The following IQCK variants were observed in gnomAD, a reference collection of about 807,000 sequenced individuals.
The protein encoded by IQCK is IQ motif containing K.
In IQCK, 29 loss-of-function variants were observed where a neutral mutation model predicts 28.1. The ratio of observed to expected loss-of-function variants is 1.03; its 90% confidence interval spans 0.77 to 1.41. IQCK has a LOEUF of 1.41. Ranked by LOEUF, IQCK falls within the 40% of genes most tolerant of loss-of-function variation. The pLI, the probability that IQCK is intolerant of heterozygous loss-of-function variation, is 0.00. For synonymous variants in IQCK, 113 were observed against 115.1 expected, an observed-to-expected ratio of 0.98 and a Z score of 0.12; for missense variants, 359 against 314.7, an observed-to-expected ratio of 1.14 and a Z score of -1.07.
At chr16:19,723,680 G>A (rs140811961) in intron 1 of IQCK, among the ~76,000 whole-genome samples, 2 of 152,228 alleles carry the variant, frequency 1.3e-5, no homozygotes, top group Admixed American at 6.5e-5. Context: ...CTGGCCGGGC[G>A]TGGTAGCTCA....
At chr16:19,761,507 C>G (rs2055142801) in intron 4 of IQCK, 1 of 438,332 alleles carries the variant, frequency 2.3e-6, no homozygotes, top group Admixed American at 2.5e-5. Flanking sequence ...TGGGAAGGAT[C>G]TCTCCACATG....
chr16:19,769,496 C>T (rs1298593527), intron 6 of IQCK, among the ~76,000 whole-genome samples: 1 of 152,160 alleles, frequency 6.6e-6, no homozygotes, highest in East Asian at 1.9e-4. Context: ...GACATTGTGA[C>T]ATTCCAGGCC....
At chr16:19,760,657 G>A (rs893718253) in intron 4 of IQCK, among the ~76,000 whole-genome samples, 7 of 152,006 alleles carry the variant, frequency 4.6e-5, no homozygotes, top group Admixed American at 6.6e-5. Context: ...CTGGTCTCTC[G>A]TTAGCTGGAC....
At chr16:19,789,434 A>C (rs1487620688) in intron 7 of IQCK, among the ~76,000 whole-genome samples, 1 of 88,388 alleles carries the variant, frequency 1.1e-5, no homozygotes, top group Admixed American at 1.2e-4. Flanking sequence ...AAAAAAAAAA[A>C]AACACAAAGA....
chr16:19,832,481 G>A (rs1056101738), intron 9 of IQCK, among the ~76,000 whole-genome samples: 3 of 151,752 alleles, frequency 2.0e-5, no homozygotes, highest in Non-Finnish European at 2.9e-5. Context: ...TAGTAGTTAC[G>A]GAAATACACA....
At chr16:19,855,909 A>G (rs1367237099) in intron 9 of IQCK, among the ~76,000 whole-genome samples, 1 of 152,192 alleles carries the variant, frequency 6.6e-6, no homozygotes, top group African/African-American at 2.4e-5. Context: ...CTGGGTTTCC[A>G]TATTTAATTG....
At chr16:19,736,198 T>C (rs773703413) in intron 4 of IQCK, 10 of 455,134 alleles carry the variant, frequency 2.2e-5, no homozygotes, top group Non-Finnish European at 4.4e-5. Context: ...ACACAGTAAG[T>C]GCTCAGTAAA....
exon 10 of IQCK, chr16:19,857,977 A>G (rs1423420931): frequency 6.5e-6 from 1 of 152,676 alleles, no homozygotes; most frequent in Non-Finnish European, 1.5e-5. Context: ...TTTAATAACC[A>G]GACACGGAAC....
In IQCK at chr16:19,845,350, A is replaced by G. The variant is rs148154219; in HGVS notation, c.803-11137A>G. Among the ~76,000 whole-genome samples the G allele has an allele frequency of 6.6e-5, 10 of 152,380 alleles. No individual in the cohort carries two copies. The East Asian group carries it at 1.9e-3, about 29-fold the overall frequency. ...AGCTTCTGCCAGTCTGAACTGGCTAACAGTTTATACCCTAAACTCATTCAG... is the reference window on the plus strand; with the variant it reads ...AGCTTCTGCCAGTCTGAACTGGCTAGCAGTTTATACCCTAAACTCATTCAG... On this transcript the variant is annotated intron_variant, in intron 9 of 9. Transcript: ENST00000320394.
Position 19,736,174 on chromosome 16 carries a change from CAG to C in IQCK, c.474+729_474+730del, listed in dbSNP as rs71773322. The stretch of plus-strand genomic sequence containing the variant: ...AACTGTCATGAATGTAAACTGCTCG[CAG>C]AGAGTCTTGGAACACAGTAAGTGCT... On this transcript the variant is annotated intron_variant, in intron 4 of 7. Transcript: ENST00000564186. 3,569 of 455,996 alleles carry C rather than the reference CAG, an allele frequency of 7.8e-3. 86 individuals carry two copies. The highest frequency in any genetic ancestry group is 0.063 in the African/African-American group (3,185 of 50,160). The allele number at this position is 455,996 out of a possible 1,614,324, so 28.2% of individuals were successfully genotyped here. A position where few individuals can be genotyped will look rare whatever the true frequency, so the allele number is the denominator to read the frequency against.
intron 1 of IQCK, among the ~76,000 whole-genome samples, chr16:19,722,111 A>G (rs945313492): frequency 1.3e-5 from 2 of 152,086 alleles, no homozygotes; most frequent in Non-Finnish European, 2.9e-5. Flanking sequence ...GGCTCTCAGC[A>G]CTGCTCAGCA....
intron 9 of IQCK, among the ~76,000 whole-genome samples, chr16:19,843,026 G>A (rs1567200538): frequency 6.6e-6 from 1 of 152,084 alleles, no homozygotes; most frequent in Non-Finnish European, 1.5e-5. Context: ...TTGACAAGGA[G>A]AATAGGGCTG....
intron 4 of IQCK, among the ~76,000 whole-genome samples, chr16:19,759,265 G>A (rs1043294021): frequency 1.6e-4 from 24 of 152,098 alleles, no homozygotes; most frequent in African/African-American, 5.8e-4. Flanking sequence ...AGGCTGGAGT[G>A]CAGTGGCGTG....
At chr16:19,775,175 C>T (rs895093844) in intron 6 of IQCK, among the ~76,000 whole-genome samples, 12 of 148,896 alleles carry the variant, frequency 8.1e-5, no homozygotes, top group African/African-American at 2.7e-4. Flanking sequence ...TGCAGTGAGC[C>T]GAGATTGCGC....
exon 1 of IQCK, chr16:19,718,431 C>T (rs749592999): frequency 1.2e-6 from 2 of 1,607,662 alleles, no homozygotes; most frequent in African/African-American, 1.3e-5. Context: ...CTGCCTGTCT[C>T]GTCGTGGCAG....
chr16:19,856,525 A>G (rs1040199627), exon 10 of IQCK: 1 of 1,613,930 alleles, frequency 6.2e-7, no homozygotes, highest in Non-Finnish European at 8.5e-7. Context: ...ACCTGCAGCC[A>G]AGATGAAAAT....
intron 9 of IQCK, among the ~76,000 whole-genome samples, chr16:19,851,050 A>T (rs955204659): frequency 9.9e-5 from 15 of 152,168 alleles, no homozygotes; most frequent in Non-Finnish European, 7.3e-5. Flanking sequence ...ATAATAGCTG[A>T]TATTTATCAA....
At chr16:19,804,970 T>G (rs944218917) in intron 7 of IQCK, among the ~76,000 whole-genome samples, 1 of 152,150 alleles carries the variant, frequency 6.6e-6, no homozygotes, top group Non-Finnish European at 1.5e-5. Flanking sequence ...TTCCCCACAT[T>G]GTTGGTCTGC....
intron 4 of IQCK, among the ~76,000 whole-genome samples, chr16:19,745,865 T>TC (rs1454440728): frequency 6.6e-6 from 1 of 152,112 alleles, no homozygotes; most frequent in Non-Finnish European, 1.5e-5. Flanking sequence ...GCACTTCGGT[T>TC]CTCCTTCATG....
Sources: gnomAD v4.1 joint callset for allele counts (sites outside exome capture counted in the v4.1 genomes callset) on GRCh38, gnomAD v4.1.1 for gene constraint, MANE v1.5 for transcripts, NCBI Gene and HGNC (gene_info 2026-07-23, HGNC 2026-07-21) for gene names.